Variants in OXR1 observed in about 807,000 individuals in gnomAD.
The protein encoded by OXR1 is oxidation resistance protein 1.
Under a neutral mutation model 104.6 loss-of-function variants are expected in OXR1, and 41 were observed. The ratio of observed to expected loss-of-function variants is 0.39; its 90% CI spans 0.31 to 0.51. OXR1 has a LOEUF of 0.51. OXR1 is among the 20% of genes least tolerant of loss of function. The pLI is 0.77. For synonymous variants in OXR1, 348 were observed against 348.4 expected (o/e 1.00, Z 0.01); for missense variants, 955 against 1,031.9 (o/e 0.93, Z 1.02).
At chr8:106,425,849 A>C (rs1265512687) in intron 2 of OXR1, among the ~76,000 whole-genome samples, 1 of 152,094 alleles carries the variant, frequency 6.6e-6, no homozygotes, top group Admixed American at 6.6e-5. Context: ...AGGTTATTGG[A>C]TTGGGTATGT....
chr8:106,591,239 A>T (rs1478903684), intron 3 of OXR1, among the ~76,000 whole-genome samples: 2 of 141,056 alleles, frequency 1.4e-5, no homozygotes. Context: ...TTGAACAATG[A>T]GAACACATGG....
At chr8:106,566,196 A>C (rs1352584983) in intron 3 of OXR1, among the ~76,000 whole-genome samples, 1 of 152,192 alleles carries the variant, frequency 6.6e-6, no homozygotes, top group Non-Finnish European at 1.5e-5. Flanking sequence ...CAGCCTTCAG[A>C]ATGGGAGAAA....
At chr8:106,682,219 A>G (rs1051911638) in intron 4 of OXR1, among the ~76,000 whole-genome samples, 15 of 151,920 alleles carry the variant, frequency 9.9e-5, no homozygotes, top group African/African-American at 3.6e-4. Context: ...TCCTTGTGCA[A>G]AATGACTTTT....
intron 2 of OXR1, among the ~76,000 whole-genome samples, chr8:106,388,222 C>T (rs1817455041): frequency 6.6e-6 from 1 of 152,126 alleles, no homozygotes; most frequent in African/African-American, 2.4e-5. Flanking sequence ...ATCCTTATTT[C>T]CCTAGACTTG....
intron 3 of OXR1, among the ~76,000 whole-genome samples, chr8:106,626,161 A>G (rs1446028809): frequency 2.0e-5 from 3 of 151,856 alleles, no homozygotes; most frequent in Non-Finnish European, 4.4e-5. Context: ...TGTTGAAGCT[A>G]TCAAGCCTAC....
chr8:106,272,569 G>A (rs1811864110), intron 1 of OXR1: 1 of 152,248 alleles, frequency 6.6e-6, no homozygotes, highest in African/African-American at 2.4e-5. Context: ...AGTGGCACGA[G>A]TTGTCTTGCA....
At chr8:106,563,601 A>T (rs911908326) in intron 3 of OXR1, among the ~76,000 whole-genome samples, 4 of 152,218 alleles carry the variant, frequency 2.6e-5, no homozygotes, top group African/African-American at 9.6e-5. Context: ...ATTAGCAAGG[A>T]TGTTCAGGAC....
chr8:106,542,701 A>G (rs1815050285), intron 3 of OXR1, among the ~76,000 whole-genome samples: 1 of 152,048 alleles, frequency 6.6e-6, no homozygotes, highest in Non-Finnish European at 1.5e-5. Flanking sequence ...TTTCAAATAT[A>G]TCATGCTGTT....
chr8:106,520,050 A>G (rs1813148037), intron 3 of OXR1, among the ~76,000 whole-genome samples: 1 of 152,116 alleles, frequency 6.6e-6, no homozygotes. Context: ...TTGTTACTTC[A>G]ATTTGGAGAG....
chr8:106,300,163 A>T (rs1813169074), intron 1 of OXR1, among the ~76,000 whole-genome samples: 1 of 152,216 alleles, frequency 6.6e-6, no homozygotes, highest in South Asian at 2.1e-4. Flanking sequence ...ACAATTCATC[A>T]TCTCTATCTA....
chr8:106,420,730 TTGTG>T (rs6150748), intron 2 of OXR1, among the ~76,000 whole-genome samples: 58 of 147,280 alleles, frequency 3.9e-4, no homozygotes, highest in African/African-American at 6.5e-4. Context: ...CATTAAAATA[TTGTG>T]TGTGTGTGTG....
chr8:106,467,591 T>C (rs981015778), intron 2 of OXR1, among the ~76,000 whole-genome samples: 2 of 151,888 alleles, frequency 1.3e-5, no homozygotes, highest in African/African-American at 4.8e-5. Flanking sequence ...CATTTTATTG[T>C]AAGCAGTAAG....
rs151041901 is a variant in OXR1 at position 106,640,541 on chromosome 8, A to T, written c.221-38669A>T. On this transcript the variant is annotated intron_variant, in intron 3 of 16. Transcript: ENST00000517566. ...AGACATATGGTCTCTTCTTTTGAGG[A>T]GAAAGTAGTGAGAATGGCAGAGGAA... Among the ~76,000 whole-genome samples, 1,136 of 152,024 alleles carry T rather than the reference A, an allele frequency of 7.5e-3. 13 individuals carry two copies. The highest frequency in any genetic ancestry group is 0.026 in the African/African-American group (1,071 of 41,502).
chr8:106,723,597 A>G (rs1833047470), intron 11 of OXR1, among the ~76,000 whole-genome samples: 1 of 151,864 alleles, frequency 6.6e-6, no homozygotes, highest in African/African-American at 2.4e-5. Context: ...ACTTGAACCC[A>G]GGAGGCGGAG....
intron 11 of OXR1, among the ~76,000 whole-genome samples, chr8:106,722,975 G>A (rs565377444): frequency 1.3e-4 from 20 of 152,152 alleles, no homozygotes; most frequent in Non-Finnish European, 2.5e-4. Context: ...GACCTTAGGA[G>A]AGTTTTGAAC....
intron 3 of OXR1, among the ~76,000 whole-genome samples, chr8:106,583,132 A>G (rs1032616365): frequency 9.8e-5 from 15 of 152,320 alleles, no homozygotes; most frequent in African/African-American, 3.6e-4. Flanking sequence ...ATTAGAAAGT[A>G]TAGTTTTTCC....
At chr8:106,613,303 A>G (rs1820953350) in intron 3 of OXR1, among the ~76,000 whole-genome samples, 1 of 152,234 alleles carries the variant, frequency 6.6e-6, no homozygotes, top group Non-Finnish European at 1.5e-5. Context: ...TTTTCATTGC[A>G]TGCTACCTGA....
chr8:106,694,960 A>ATATAAATATAAAATATTTATATATG (rs1829843133), intron 7 of OXR1, among the ~76,000 whole-genome samples: 1 of 140,920 alleles, frequency 7.1e-6, no homozygotes, highest in Non-Finnish European at 1.5e-5. Context: ...ATTTATATAT[A>ATATAAATATAAAATATTTATATATG]TTTACATGTA....
At chr8:106,485,520 G>T (rs182291049) in intron 2 of OXR1, among the ~76,000 whole-genome samples, 4 of 152,082 alleles carry the variant, frequency 2.6e-5, no homozygotes, top group African/African-American at 9.6e-5. Context: ...TCAAGCAAAA[G>T]AAAACTGTTC....
Sources: allele counts gnomAD v4.1 joint callset (sites outside exome capture counted in the v4.1 genomes callset), GRCh38; gene constraint gnomAD v4.1.1; transcripts MANE v1.5; gene names NCBI Gene and HGNC (gene_info 2026-07-23, HGNC 2026-07-21).